Variants in RAB3B observed in about 807,000 individuals in gnomAD.
The protein encoded by RAB3B is ras-related protein Rab-3B.
In RAB3B, 11 loss-of-function variants were observed where a neutral mutation model predicts 20.5. The observed-to-expected ratio is 0.54, with a 90% CI of 0.34 to 0.89. The LOEUF (loss-of-function observed/expected upper bound fraction) is 0.89. RAB3B is among the 40% of genes least tolerant of loss of function. The probability of loss-of-function intolerance (pLI) is 0.02; values close to 1 mark genes in which losing one functional copy is unlikely to be tolerated. For missense variants in RAB3B, 225 were observed against 280.9 expected, an observed-to-expected ratio of 0.80 and a Z score of 1.42; for synonymous variants, 99 against 106.3, an observed-to-expected ratio of 0.93 and a Z score of 0.42.
intron 1 of RAB3B, among the ~76,000 whole-genome samples, chr1:51,980,038 C>G (rs1006004035): frequency 6.6e-6 from 1 of 151,636 alleles, no homozygotes; most frequent in Non-Finnish European, 1.5e-5. Context: ...CGAGACTCCA[C>G]CCCCCCAAAA....
intron 2 of RAB3B, among the ~76,000 whole-genome samples, chr1:51,958,285 C>A (rs1179401183): frequency 1.3e-5 from 2 of 152,178 alleles, no homozygotes; most frequent in Non-Finnish European, 2.9e-5. Context: ...TAAAGTACAA[C>A]CCTTTACCCT....
At chr1:51,973,425 A>G (rs1252363755) in intron 2 of RAB3B, 1 of 148,952 alleles carries the variant, frequency 6.7e-6, no homozygotes, top group Admixed American at 6.9e-5. Context: ...TGGCTATACC[A>G]CCCTGAACGC....
chr1:51,908,302 G>A lies in RAB3B; in HGVS notation c.*11625C>T, dbSNP rs148011636. 11 of 152,186 alleles carry A rather than the reference G, an allele frequency of 7.2e-5. No individual in the cohort carries two copies. The highest frequency in any genetic ancestry group is 2.1e-4 in the South Asian group (1 of 4,818). The allele number at this position is 152,186 out of a possible 1,614,324, so 9.4% of individuals were successfully genotyped here. A position where few individuals can be genotyped will look rare whatever the true frequency, so the allele number is the denominator to read the frequency against. ...GTTCCTCTCTCTGCTCAGGCCTATC[G>A]AGAGGCAACTGCAGTTTTTGCTAAT... On this transcript the variant is annotated 3_prime_UTR_variant, in exon 5 of 5. Coordinates refer to ENST00000371655, the MANE Select transcript of RAB3B (RefSeq NM_002867.4).
At chr1:51,922,621 C>T (rs898194638) in intron 4 of RAB3B, among the ~76,000 whole-genome samples, 1 of 151,996 alleles carries the variant, frequency 6.6e-6, no homozygotes, top group African/African-American at 2.4e-5. Context: ...TCTCCAGGGC[C>T]TTTGGGGAAA....
chr1:51,915,842 C>G lies in RAB3B; in HGVS notation c.*4085G>C, dbSNP rs1049602870. The G allele has an allele frequency of 3.3e-5, 5 of 152,240 alleles. No individual in the cohort carries two copies. Among genetic ancestry groups the G allele is most frequent in the African/African-American group, 4.8e-5 (2 of 41,430 alleles). 9.4% of individuals were successfully genotyped at this position (152,240 alleles called of 1,614,324 possible). On this transcript the variant is annotated 3_prime_UTR_variant, in exon 5 of 5. Coordinates refer to ENST00000371655, the MANE Select transcript of RAB3B (RefSeq NM_002867.4). ...CTGAGTAGGGATTTCAGGTGCCCAC[C>G]ACCACGCCTGGCTAATTTTTGTATT...
At chr1:51,981,057 G>T (rs549503902) in intron 1 of RAB3B, among the ~76,000 whole-genome samples, 1 of 152,098 alleles carries the variant, frequency 6.6e-6, no homozygotes, top group Non-Finnish European at 1.5e-5. Context: ...TTGAGACAGG[G>T]TCTCTCTCTG....
chr1:51,985,044 C>T (rs958491357), intron 1 of RAB3B, among the ~76,000 whole-genome samples: 1 of 152,196 alleles, frequency 6.6e-6, no homozygotes, highest in Non-Finnish European at 1.5e-5. Context: ...AGTCATATTG[C>T]CTCTCTAAGC....
chr1:51,981,448 A>G (rs1326301322), intron 1 of RAB3B, among the ~76,000 whole-genome samples: 4 of 152,218 alleles, frequency 2.6e-5, no homozygotes, highest in African/African-American at 9.6e-5. Context: ...CCAGAGGCAT[A>G]CATGTTATCA....
At chr1:51,952,143 G>A (rs1174586291) in intron 2 of RAB3B, among the ~76,000 whole-genome samples, 1 of 152,160 alleles carries the variant, frequency 6.6e-6, no homozygotes, top group African/African-American at 2.4e-5. Context: ...TATATTCACT[G>A]ATCTTAGCCT....
At chr1:51,961,957 A>G (rs934820654) in intron 2 of RAB3B, among the ~76,000 whole-genome samples, 23 of 152,088 alleles carry the variant, frequency 1.5e-4, no homozygotes. Context: ...TTTTTAGTAG[A>G]GACAGGGTTT....
At chr1:51,960,049 A>G (rs1684765309) in intron 2 of RAB3B, among the ~76,000 whole-genome samples, 1 of 152,072 alleles carries the variant, frequency 6.6e-6, no homozygotes, top group Admixed American at 6.6e-5. Context: ...CCTGGATTTT[A>G]GGCACTGGAG....
chr1:51,932,254 A>C (rs1684336942), intron 4 of RAB3B, among the ~76,000 whole-genome samples: 2 of 152,190 alleles, frequency 1.3e-5, no homozygotes, highest in African/African-American at 4.8e-5. Context: ...CAGAGACTTT[A>C]AACTCTCCAC....
rs183875577 is a variant in RAB3B, at chr1:51,944,522, G to A, written c.229-7110C>T. Among the ~76,000 whole-genome samples the A allele has an allele frequency of 1.8e-3, 273 of 152,300 alleles. 1 individual carries two copies. The highest frequency in any genetic ancestry group is 4.1e-3 in the South Asian group (20 of 4,826). The stretch of plus-strand genomic sequence containing the variant: ...CACCATTCTACCATTAAGAATATTC[G>A]TGATTCATGGGAGGAGATAAAAATA... On this transcript the variant is annotated intron_variant, in intron 2 of 4. Coordinates refer to ENST00000371655, the MANE Select transcript of RAB3B (RefSeq NM_002867.4).
intron 2 of RAB3B, 70 bp downstream of exon 2, chr1:51,976,820 C>A (rs1313838568): frequency 7.1e-7 from 1 of 1,413,780 alleles, no homozygotes; most frequent in African/African-American, 1.4e-5. Context: ...GCTGGCCCCA[C>A]CTCTAAGCCC....
Position 51,915,449 on chromosome 1 carries a change from T to C in RAB3B, c.*4478A>G, listed in dbSNP as rs898358696. 2.6e-5 allele frequency: 4 copies of C among 152,112 alleles called. No individual in the cohort carries two copies. Among genetic ancestry groups the C allele is most frequent in the African/African-American group, 9.7e-5 (4 of 41,412 alleles). The allele number at this position is 152,112 out of a possible 1,614,324, so 9.4% of individuals were successfully genotyped here. The stretch of plus-strand genomic sequence containing the variant: ...CTATAAAATAGGAGCCTGGAACAGA[T>C]CTTCTCTAAGCTCCTTTCCAGATCT... On this transcript the variant is annotated 3_prime_UTR_variant, in exon 5 of 5. Coordinates refer to ENST00000371655, the MANE Select transcript of RAB3B (RefSeq NM_002867.4).
chr1:51,947,564 A>C (rs1249714890), intron 2 of RAB3B, among the ~76,000 whole-genome samples: 2 of 152,088 alleles, frequency 1.3e-5, no homozygotes, highest in African/African-American at 4.8e-5. Flanking sequence ...AGGGACCAAC[A>C]ATCTCCCCTC....
intron 2 of RAB3B, among the ~76,000 whole-genome samples, chr1:51,956,396 C>T (rs1249494506): frequency 6.6e-6 from 1 of 152,170 alleles, no homozygotes; most frequent in African/African-American, 2.4e-5. Context: ...AACTGAGAGG[C>T]ACAGGGAGGT....
chr1:51,915,233 T>C lies in RAB3B; in HGVS notation c.*4694A>G, dbSNP rs1235768801. On this transcript the variant is annotated 3_prime_UTR_variant, in exon 5 of 5. Coordinates refer to ENST00000371655, the MANE Select transcript of RAB3B (RefSeq NM_002867.4). ...AGCATCTCCATTAGATCATAGGACC[T>C]TGCAGGCAGGGATCATTTTTTTTTT... 2 of 152,136 alleles carry C rather than the reference T, an allele frequency of 1.3e-5. No homozygotes were observed. Among genetic ancestry groups the C allele is most frequent in the African/African-American group, 4.8e-5 (2 of 41,458 alleles). The allele number at this position is 152,136 out of a possible 1,614,324, so 9.4% of individuals were successfully genotyped here.
At position 51,913,439 on chromosome 1, in the gene RAB3B, C is replaced by T. The variant is rs1446302689; in HGVS notation, c.*6488G>A. 1 of 151,558 alleles carries T rather than the reference C, an allele frequency of 6.6e-6. No individual in the cohort carries two copies. Among genetic ancestry groups the T allele is most frequent in the Non-Finnish European group, 1.5e-5 (1 of 67,968 alleles). The allele number at this position is 151,558 out of a possible 1,614,324, so 9.4% of individuals were successfully genotyped here. ...AAAAATTGGTCACCATATTTTGTAG[C>T]TCCTCCCATAAAGAGATGGCATCTA... is the stretch of plus-strand genomic sequence containing the variant. On this transcript the variant is annotated 3_prime_UTR_variant, in exon 5 of 5. Coordinates refer to ENST00000371655, the MANE Select transcript of RAB3B (RefSeq NM_002867.4).
Sources: gnomAD v4.1 joint callset for allele counts (sites outside exome capture counted in the v4.1 genomes callset) on GRCh38, gnomAD v4.1.1 for gene constraint, MANE v1.5 for transcripts, NCBI Gene and HGNC (gene_info 2026-07-23, HGNC 2026-07-21) for gene names.